The following PER2 variants were observed in gnomAD, a reference collection of about 807,000 sequenced individuals.
PER2 encodes the protein period circadian protein homolog 2.
Under a neutral mutation model 121.0 loss-of-function variants are expected in PER2, and 66 were observed. That is an observed-to-expected ratio of 0.55 (90% CI 0.45 to 0.67). The LOEUF (loss-of-function observed/expected upper bound fraction) is 0.67. Among genes scored for constraint, PER2 ranks in the 30% least tolerant of loss-of-function variants. PER2 has a pLI of 0.00. For synonymous variants in PER2, 684 were observed against 659.9 expected, an observed-to-expected ratio of 1.04 and a Z score of -0.56; for missense variants, 1,521 against 1,635.0, an observed-to-expected ratio of 0.93 and a Z score of 1.20.
At chr2:238,285,493 G>C (rs1232895872) in intron 1 of PER2, among the ~76,000 whole-genome samples, 1 of 152,208 alleles carries the variant, frequency 6.6e-6, no homozygotes, top group Non-Finnish European at 1.5e-5. Flanking sequence ...CTGGGACCCA[G>C]TTCCAGCCTC....
chr2:238,245,689 G>A lies in PER2; in HGVS notation c.*686C>T. 2.5e-6 allele frequency: 1 copy of A among 398,614 alleles called. No individual in the cohort carries two copies. Among genetic ancestry groups the A allele is most frequent in the Non-Finnish European group, 4.4e-6 (1 of 226,068 alleles). The allele number at this position is 398,614 out of a possible 1,614,324, so 24.7% of individuals were successfully genotyped here. A position where few individuals can be genotyped will look rare whatever the true frequency, so the allele number is the denominator to read the frequency against. Reference sequence around the variant, plus strand: ...TGTCTGCGTGTGCATTCATCCGATGGAGTTGGCCACACAAACCACTAGGCT... The same window carrying A: ...TGTCTGCGTGTGCATTCATCCGATGAAGTTGGCCACACAAACCACTAGGCT... On this transcript the variant is annotated 3_prime_UTR_variant, in exon 23 of 23. Coordinates refer to ENST00000254657, the MANE Select transcript of PER2 (RefSeq NM_022817.3).
chr2:238,245,999 C>T lies in PER2; in HGVS notation c.*376G>A, dbSNP rs556906779. On this transcript the variant is annotated 3_prime_UTR_variant, in exon 23 of 23. Coordinates refer to ENST00000254657, the MANE Select transcript of PER2 (RefSeq NM_022817.3). ...AAACACCCTGGGAAAGCTCTGGAAG[C>T]CAGAGTCCCCAGCTGGTGCAGCAGA... 1.1e-4 allele frequency: 24 copies of T among 227,646 alleles called. No homozygotes were observed. In the Admixed American group the frequency reaches 1.2e-3, roughly 11 times the overall value. 14.1% of individuals were successfully genotyped at this position (227,646 alleles called of 1,614,324 possible).
chr2:238,252,796 G>A lies in PER2; in HGVS notation c.3111+116C>T. On this transcript the variant is annotated intron_variant, in intron 19 of 22. Transcript: ENST00000254657. The surrounding 1 kb of genome is among the most constrained non-coding windows in gnomAD (Gnocchi z 4.2). ...ACACATTCATGGCAAAACCTACAGGGTTTGGTGGAAACCTCAATCGTGTAA... is the reference window on the plus strand; with the variant it reads ...ACACATTCATGGCAAAACCTACAGGATTTGGTGGAAACCTCAATCGTGTAA... The A allele has an allele frequency of 1.1e-6, 1 of 908,976 alleles. No individual in the cohort carries two copies. Among genetic ancestry groups the A allele is most frequent in the Non-Finnish European group, 1.8e-6 (1 of 549,316 alleles). 56.3% of individuals were successfully genotyped at this position (908,976 alleles called of 1,614,324 possible).
At position 238,268,278 on chromosome 2, in the gene PER2, C is replaced by A. The variant is rs993911702; in HGVS notation, c.825-80G>T. On this transcript the variant is annotated intron_variant, in intron 7 of 22. Coordinates refer to ENST00000254657, the MANE Select transcript of PER2 (RefSeq NM_022817.3). This position sits in a 1 kb window ranked among gnomAD's most constrained non-coding sequence, Gnocchi z 4.0. ...TGTTCTGTTCCCTCCTCACCTGGGC[C>A]CCATGCCATGCTGCAGGTGATGTGT... is the stretch of plus-strand genomic sequence containing the variant. The A allele has an allele frequency of 7.6e-5, 110 of 1,449,404 alleles. No homozygotes were observed. Among genetic ancestry groups the A allele is most frequent in the Non-Finnish European group, 1.0e-4 (108 of 1,046,832 alleles). 89.8% of individuals were successfully genotyped at this position (1,449,404 alleles called of 1,614,324 possible).
Position 238,249,223 on chromosome 2 carries a change from T to C in PER2, c.3468-11A>G. ...ACCGCTTCTAAATTTCTTCGCAAGATATTTAGAAATCGGTAAGCTTTCAAA... is the reference window on the plus strand; with the variant it reads ...ACCGCTTCTAAATTTCTTCGCAAGACATTTAGAAATCGGTAAGCTTTCAAA... On this transcript the variant is annotated splice_polypyrimidine_tract_variant and intron_variant, in intron 21 of 22. Coordinates refer to ENST00000254657, the MANE Select transcript of PER2 (RefSeq NM_022817.3). 3 of 1,611,986 alleles carry C rather than the reference T, an allele frequency of 1.9e-6. No individual in the cohort carries two copies. Among genetic ancestry groups the C allele is most frequent in the Non-Finnish European group, 2.5e-6 (3 of 1,178,334 alleles).
At chr2:238,248,090 G>A (rs1695495446) in intron 22 of PER2, among the ~76,000 whole-genome samples, 1 of 152,242 alleles carries the variant, frequency 6.6e-6, no homozygotes, top group African/African-American at 2.4e-5. Context: ...GTGGGGAAAA[G>A]AGGTGCAGAC....
At chr2:238,248,584 G>A (rs995911278) in intron 22 of PER2, among the ~76,000 whole-genome samples, 2 of 152,086 alleles carry the variant, frequency 1.3e-5, no homozygotes, top group Non-Finnish European at 2.9e-5. Context: ...ACATTGAAAA[G>A]CCACTGGAGA....
At chr2:238,259,379 G>A (rs1695857929) in intron 14 of PER2, among the ~76,000 whole-genome samples, 1 of 152,264 alleles carries the variant, frequency 6.6e-6, no homozygotes, top group East Asian at 1.9e-4. Context: ...CGGGACAGAG[G>A]AGCAGCATGA....
At position 238,268,840 on chromosome 2, in the gene PER2, G is replaced by A. The variant is rs897767185; in HGVS notation, c.824+83C>T. On this transcript the variant is annotated intron_variant, in intron 7 of 22. Coordinates refer to ENST00000254657, the MANE Select transcript of PER2 (RefSeq NM_022817.3). The surrounding 1 kb of genome is among the most constrained non-coding windows in gnomAD (Gnocchi z 4.0). Reference sequence around the variant, plus strand: ...CTGAGTCCCTGCAGGCAGGGATCACGCCCCCCAGCCTCAAGCGGAGCAGTG... The same window carrying A: ...CTGAGTCCCTGCAGGCAGGGATCACACCCCCCAGCCTCAAGCGGAGCAGTG... 32 of 999,716 alleles carry A rather than the reference G, an allele frequency of 3.2e-5. No individual in the cohort carries two copies. In the East Asian group the frequency reaches 5.5e-4, roughly 17 times the overall value. The allele number at this position is 999,716 out of a possible 1,614,324, so 61.9% of individuals were successfully genotyped here. A position where few individuals can be genotyped will look rare whatever the true frequency, so the allele number is the denominator to read the frequency against.
At position 238,249,200 on chromosome 2, in the gene PER2, C is replaced by G. The variant is rs571091321; in HGVS notation, c.3480G>C (p.Ala1160=). The part of the protein sequence containing the change: ...TYQLPSRNLE[A]VLKEDREKLK... ...GCTTCTCTCTGTCCTCCTTCAAAAC[C>G]GCTTCTAAATTTCTTCGCAAGATAT... The change falls in exon 22 of 23, where the codon GCG becomes GCC. Residue 1160 remains alanine, a synonymous_variant. Coordinates refer to ENST00000254657, the MANE Select transcript of PER2 (RefSeq NM_022817.3). The G allele has an allele frequency of 2.0e-5, 33 of 1,614,032 alleles. No individual in the cohort carries two copies. Among genetic ancestry groups the G allele is most frequent in the South Asian group, 3.3e-5 (3 of 91,084 alleles).
rs78915190 is a variant in PER2 at position 238,253,440 on chromosome 2, C to T, written c.2583G>A (p.Ala861=). ...CCGGGGGTGCTGCCACAGTCCCTGGCGCTGGAAACACGGGCAGTGAATAAG... is the reference window on the plus strand; with the variant it reads ...CCGGGGGTGCTGCCACAGTCCCTGGTGCTGGAAACACGGGCAGTGAATAAG... ...PAAYSLPVFP[A]PGTVAAPPAP... Residue 861 remains alanine (A), a synonymous_variant, in exon 19 of 23, where the codon GCG becomes GCA. Transcript: ENST00000254657. The surrounding 1 kb of genome is among the most constrained non-coding windows in gnomAD (Gnocchi z 5.6). 3.9e-5 allele frequency: 63 copies of T among 1,612,374 alleles called. No homozygotes were observed. Among genetic ancestry groups the T allele is most frequent in the Middle Eastern group, 3.3e-4 (2 of 6,008 alleles).
rs765859164 is a variant in PER2 at position 238,277,804 on chromosome 2, C to T, written c.133G>A (p.Glu45Lys). ...GAGTCCCGCCCCGTGGAGCAGTTTT[C>T]GTTGGTCTCATGTCCACTGGAGCCA... ...SSGSSGHETN[E>K]NCSTGRDSQG... Residue 45 changes from glutamate (E) to lysine (K), a missense_variant, in exon 2 of 23, where the codon GAA (glutamate) becomes AAA (lysine). Coordinates refer to ENST00000254657, the MANE Select transcript of PER2 (RefSeq NM_022817.3). 1.5e-5 allele frequency: 25 copies of T among 1,614,116 alleles called. No individual in the cohort carries two copies. The highest frequency in any genetic ancestry group is 9.3e-5 in the African/African-American group (7 of 74,936).
In PER2 at chr2:238,253,530, C is replaced by G. The variant is rs1482298531; in HGVS notation, c.2493G>C (p.Trp831Cys). ...TGGACTGGGACGTGTCTGAGGGTGA[C>G]CAGGCTGTGGCGTTCAAGCCCACCA... ...PPLVGLNATA[W>C]SPSDTSQSSC... Residue 831 changes from tryptophan (W) to cysteine (C), a missense_variant, in exon 19 of 23, where the codon TGG (tryptophan) becomes TGC (cysteine). By Grantham distance (215) the Trp-to-Cys change is radical (BLOSUM62 -2). Coordinates refer to ENST00000254657, the MANE Select transcript of PER2 (RefSeq NM_022817.3). This position sits in a 1 kb window ranked among gnomAD's most constrained non-coding sequence, Gnocchi z 5.6. The G allele has an allele frequency of 6.2e-7, 1 of 1,611,254 alleles. No individual in the cohort carries two copies. Among genetic ancestry groups the G allele is most frequent in the Non-Finnish European group, 8.5e-7 (1 of 1,179,192 alleles).
intron 18 of PER2, chr2:238,254,450 T>C (rs1001699530): frequency 3.3e-5 from 5 of 152,690 alleles, no homozygotes; most frequent in Non-Finnish European, 7.3e-5. Flanking sequence ...GGCAGTCCCA[T>C]GCCTTTGGGA....
chr2:238,255,974 C>T (rs753563792), intron 17 of PER2, 63 bp from the exon 18 acceptor site: 10 of 1,584,046 alleles, frequency 6.3e-6, no homozygotes, highest in Non-Finnish European at 7.8e-6. Context: ...TAAGGCCACA[C>T]TATATTCACG....
upstream of PER2, chr2:238,290,118 A>G (rs1696922672): frequency 6.6e-6 from 1 of 152,216 alleles, no homozygotes; most frequent in African/African-American, 2.4e-5. Context: ...CTTCTCTTCT[A>G]CTTGACAAGG....
chr2:238,278,446 T>C (rs1300655337), intron 1 of PER2, among the ~76,000 whole-genome samples: 1 of 152,180 alleles, frequency 6.6e-6, no homozygotes, highest in Admixed American at 6.5e-5. Flanking sequence ...CAAGAGCTCC[T>C]ATCTGCCATG....
At chr2:238,261,677 G>C in intron 12 of PER2, 52 bp downstream of exon 12, 1 of 1,169,728 alleles carries the variant, frequency 8.5e-7, no homozygotes, top group Non-Finnish European at 1.2e-6. Context: ...GTCCTCTGCA[G>C]GGGGCTCTCA....
At chr2:238,285,196 A>G (rs1696746723) in intron 1 of PER2, among the ~76,000 whole-genome samples, 1 of 152,246 alleles carries the variant, frequency 6.6e-6, no homozygotes, top group Non-Finnish European at 1.5e-5. Flanking sequence ...AGTCAGACTC[A>G]AAGAAAGAGG....
Sources: allele counts gnomAD v4.1 joint callset (sites outside exome capture counted in the v4.1 genomes callset), GRCh38; gene constraint gnomAD v4.1.1; non-coding constraint Gnocchi (gnomAD v3.1); transcripts MANE v1.5; gene names NCBI Gene and HGNC (gene_info 2026-07-23, HGNC 2026-07-21).